MAST4: variants seen among roughly 807,000 people sequenced by gnomAD.
The protein encoded by MAST4 is microtubule-associated serine/threonine-protein kinase 4.
Under a neutral mutation model 162.7 loss-of-function variants are expected in MAST4, and 89 were observed. The ratio of observed to expected loss-of-function variants is 0.55; its 90% CI spans 0.46 to 0.65. The LOEUF (loss-of-function observed/expected upper bound fraction) is 0.65, where lower values mean the gene tolerates loss of function less well. Ranked by LOEUF, MAST4 falls within the 30% of genes least tolerant of loss-of-function variation. The pLI, the probability that MAST4 is intolerant of heterozygous loss-of-function variation, is 0.00. For synonymous variants in MAST4, 1,479 were observed against 1,361.1 expected (o/e 1.09, Z -1.91); for missense variants, 3,153 against 3,374.0 (o/e 0.93, Z 1.62).
At chr5:67,103,370 A>G (rs1032696103) in intron 9 of MAST4, among the ~76,000 whole-genome samples, 6 of 152,334 alleles carry the variant, frequency 3.9e-5, no homozygotes, top group African/African-American at 1.2e-4. Flanking sequence ...ATAAATCAAG[A>G]GTAGAGTACT....
At chr5:66,826,881 A>G (rs927390290) in intron 3 of MAST4, among the ~76,000 whole-genome samples, 1 of 152,210 alleles carries the variant, frequency 6.6e-6, no homozygotes, top group African/African-American at 2.4e-5. Flanking sequence ...GGCTTTGTCT[A>G]AAACAACTCT....
chr5:67,022,691 C>T (rs1335370891), intron 4 of MAST4, among the ~76,000 whole-genome samples: 1 of 152,140 alleles, frequency 6.6e-6, no homozygotes, highest in Non-Finnish European at 1.5e-5. Flanking sequence ...CCCTTTAACA[C>T]ATTTAATGTT....
chr5:66,597,304 TG>T (rs1461999892), intron 1 of MAST4, among the ~76,000 whole-genome samples: 2 of 152,350 alleles, frequency 1.3e-5, no homozygotes, highest in Admixed American at 6.5e-5. Context: ...CTGACTTGGT[TG>T]ATCTGTGAAA....
intron 4 of MAST4, among the ~76,000 whole-genome samples, chr5:66,936,180 G>C (rs2150087701): frequency 6.6e-6 from 1 of 152,300 alleles, no homozygotes; most frequent in South Asian, 2.1e-4. Context: ...AATTTGCGTT[G>C]GGCAGGGTCA....
intron 4 of MAST4, among the ~76,000 whole-genome samples, chr5:66,948,949 A>G (rs78865064): frequency 0.015 from 2,341 of 152,158 alleles, 44 homozygotes; most frequent in African/African-American, 0.048. Context: ...CCCCCCAACA[A>G]TTTTTTAATA....
Position 66,928,710 on chromosome 5 carries a change from AT to A in MAST4, c.674+28730del, listed in dbSNP as rs1408569446. On this transcript the variant is annotated intron_variant, in intron 4 of 28. Transcript: ENST00000403625. ...GAGCACAGCTTTGTATGTTGTGGAGATTAGCTGGGGAAATAGGGGTTGGTCA... is the reference window on the plus strand; with the variant it reads ...GAGCACAGCTTTGTATGTTGTGGAGATAGCTGGGGAAATAGGGGTTGGTCA... Among the ~76,000 whole-genome samples, 5 of 152,176 alleles carry A rather than the reference AT, an allele frequency of 3.3e-5. No homozygotes were observed. In the East Asian group the frequency reaches 7.7e-4, roughly 24 times the overall value.
chr5:67,014,462 G>A (rs906887934), intron 4 of MAST4, among the ~76,000 whole-genome samples: 6 of 152,286 alleles, frequency 3.9e-5, no homozygotes, highest in South Asian at 2.1e-4. Flanking sequence ...GCCTCTAAGC[G>A]TATGAATCAT....
At chr5:66,616,231 C>G (rs1743673409) in intron 1 of MAST4, among the ~76,000 whole-genome samples, 1 of 152,282 alleles carries the variant, frequency 6.6e-6, no homozygotes, top group Non-Finnish European at 1.5e-5. Context: ...GGATCACAGG[C>G]AGGTGTGGTG....
intron 3 of MAST4, among the ~76,000 whole-genome samples, chr5:66,808,203 A>G (rs1756299111): frequency 6.6e-6 from 1 of 152,110 alleles, no homozygotes; most frequent in Non-Finnish European, 1.5e-5. Flanking sequence ...ATTGCTTTAC[A>G]CCGCAGCCTG....
At chr5:66,910,571 T>C (rs1263342434) in intron 4 of MAST4, among the ~76,000 whole-genome samples, 1 of 152,044 alleles carries the variant, frequency 6.6e-6, no homozygotes, top group Non-Finnish European at 1.5e-5. Context: ...AAATTCTTCT[T>C]TTACTCCATG....
chr5:66,956,791 GA>G (rs1264404164), intron 4 of MAST4, among the ~76,000 whole-genome samples: 34 of 152,344 alleles, frequency 2.2e-4, no homozygotes, highest in African/African-American at 6.3e-4. Flanking sequence ...ATTTTGAACA[GA>G]AGAGTGACAC....
chr5:66,621,480 A>C (rs1442490227), intron 1 of MAST4, among the ~76,000 whole-genome samples: 1 of 152,220 alleles, frequency 6.6e-6, no homozygotes. Context: ...AGAGAAGCAC[A>C]CTATTTTGAC....
At chr5:66,748,529 G>A (rs377263489) in intron 1 of MAST4, among the ~76,000 whole-genome samples, 9 of 146,622 alleles carry the variant, frequency 6.1e-5, no homozygotes, top group East Asian at 2.1e-4. Context: ...TCACTCTGTC[G>A]CCAGGCTGGA....
chr5:66,924,806 T>C (rs1248754851), intron 4 of MAST4, among the ~76,000 whole-genome samples: 1 of 152,198 alleles, frequency 6.6e-6, no homozygotes, highest in African/African-American at 2.4e-5. Context: ...ATTTTATCAC[T>C]TAGGGAAAAG....
chr5:66,737,311 T>C (rs186759622), intron 1 of MAST4, among the ~76,000 whole-genome samples: 67 of 152,324 alleles, frequency 4.4e-4, no homozygotes, highest in African/African-American at 1.3e-3. Context: ...GACCTGTCCA[T>C]TGGGCTGCTG....
At chr5:67,068,481 G>C (rs796530599) in intron 5 of MAST4, among the ~76,000 whole-genome samples, 1 of 152,134 alleles carries the variant, frequency 6.6e-6, no homozygotes, top group African/African-American at 2.4e-5. Flanking sequence ...TCCCTATCAC[G>C]AGAATAGCAT....
At chr5:66,782,160 G>A (rs572240553) in intron 2 of MAST4, among the ~76,000 whole-genome samples, 2 of 151,852 alleles carry the variant, frequency 1.3e-5, no homozygotes, top group African/African-American at 4.8e-5. Flanking sequence ...ATGGTGGTGG[G>A]CGCCTGTAAT....
intron 3 of MAST4, among the ~76,000 whole-genome samples, chr5:66,890,175 A>G (rs1762280655): frequency 6.6e-6 from 1 of 152,184 alleles, no homozygotes; most frequent in African/African-American, 2.4e-5. Context: ...AAAGTACAAT[A>G]TGACTGTGGG....
chr5:67,099,248 A>G (rs1386480826), intron 7 of MAST4, among the ~76,000 whole-genome samples: 1 of 151,960 alleles, frequency 6.6e-6, no homozygotes, highest in East Asian at 1.9e-4. Context: ...AGAAGTGTTT[A>G]AGGCCATGAC....
Sources: allele counts gnomAD v4.1 joint callset (sites outside exome capture counted in the v4.1 genomes callset), GRCh38; gene constraint gnomAD v4.1.1; transcripts MANE v1.5; gene names NCBI Gene and HGNC (gene_info 2026-07-23, HGNC 2026-07-21).